NWD2: variants seen among roughly 807,000 people sequenced by gnomAD.
The protein encoded by NWD2 is NACHT and WD repeat domain containing 2.
Under a neutral mutation model 132.7 loss-of-function variants are expected in NWD2, and 37 were observed. That is an observed-to-expected ratio of 0.28 (90% CI 0.21 to 0.37). The LOEUF (loss-of-function observed/expected upper bound fraction) is 0.37. Among genes scored for constraint, NWD2 ranks in the 10% least tolerant of loss-of-function variants. NWD2 has a pLI of 1.00. For missense variants in NWD2, 1,592 were observed against 2,122.4 expected (o/e 0.75, Z 4.91); for synonymous variants, 705 against 803.0 (o/e 0.88, Z 2.06).
intron 1 of NWD2, among the ~76,000 whole-genome samples, chr4:37,318,020 CT>C (rs71185128): frequency 0.21 from 23,614 of 112,516 alleles, 1,062 homozygotes; most frequent in Middle Eastern, 0.33. Flanking sequence ...TTTTTTCTTT[CT>C]TTTTTTTTTT....
intron 1 of NWD2, among the ~76,000 whole-genome samples, chr4:37,304,191 AAG>A (rs937098613): frequency 1.3e-5 from 2 of 152,186 alleles, no homozygotes; most frequent in South Asian, 4.1e-4. Context: ...GAAAAGGAAG[AAG>A]AGAGAGAGAA....
intron 3 of NWD2, among the ~76,000 whole-genome samples, chr4:37,387,015 T>C (rs2376777): frequency 0.15 from 23,318 of 152,228 alleles, 2,261 homozygotes; most frequent in Non-Finnish European, 0.2. Context: ...CTTTATAAAT[T>C]ACTCAGCTTC....
intron 1 of NWD2, among the ~76,000 whole-genome samples, chr4:37,245,671 G>A (rs1306627255): frequency 3.9e-5 from 6 of 152,110 alleles, no homozygotes; most frequent in Non-Finnish European, 7.4e-5. Flanking sequence ...TCCAGCTGAG[G>A]CGAGGTGAGT....
Position 37,438,657 on chromosome 4 carries a change from A to C in NWD2, c.707-144A>C. ...CTGATTAGGAAAAGACAAATAGGAA[A>C]TCAAGAAATTATTCTAAAGATTACT... On this transcript the variant is annotated intron_variant, in intron 5 of 6. Coordinates refer to ENST00000309447, the MANE Select transcript of NWD2 (RefSeq NM_001144990.2). The C allele has an allele frequency of 6.9e-6, 4 of 582,998 alleles. 1 individual carries two copies. In the South Asian group the frequency reaches 1.4e-4, roughly 20 times the overall value. 36.1% of individuals were successfully genotyped at this position (582,998 alleles called of 1,614,324 possible). A position where few individuals can be genotyped will look rare whatever the true frequency, so the allele number is the denominator to read the frequency against.
intron 1 of NWD2, among the ~76,000 whole-genome samples, chr4:37,277,496 G>T (rs1005537140): frequency 6.6e-6 from 1 of 151,344 alleles, no homozygotes; most frequent in South Asian, 2.1e-4. Flanking sequence ...TAATTTCACT[G>T]ATTATTTTTA....
intron 1 of NWD2, among the ~76,000 whole-genome samples, chr4:37,301,852 C>T (rs1300307495): frequency 3.3e-5 from 5 of 151,734 alleles, no homozygotes; most frequent in South Asian, 2.1e-4. Context: ...TATGTGTGTG[C>T]GTATAGTTTA....
chr4:37,252,770 A>G (rs1042639285), intron 1 of NWD2, among the ~76,000 whole-genome samples: 1 of 152,182 alleles, frequency 6.6e-6, no homozygotes, highest in African/African-American at 2.4e-5. Flanking sequence ...AAGATTCCTT[A>G]TAGGGGATTG....
At chr4:37,425,878 G>A (rs188778774) in intron 3 of NWD2, among the ~76,000 whole-genome samples, 3 of 152,274 alleles carry the variant, frequency 2.0e-5, no homozygotes, top group East Asian at 3.9e-4. Context: ...GTCATTCATG[G>A]ATACTCCCCA....
intron 3 of NWD2, among the ~76,000 whole-genome samples, chr4:37,392,127 G>A (rs1483913877): frequency 6.6e-6 from 1 of 152,074 alleles, no homozygotes; most frequent in Admixed American, 6.6e-5. Context: ...CTGGAACCTG[G>A]GAGGCAGAGG....
At chr4:37,400,270 C>G (rs1394896001) in intron 3 of NWD2, among the ~76,000 whole-genome samples, 1 of 152,190 alleles carries the variant, frequency 6.6e-6, no homozygotes, top group African/African-American at 2.4e-5. Flanking sequence ...TCAATTTCCC[C>G]AGCAATCCTT....
intron 3 of NWD2, among the ~76,000 whole-genome samples, chr4:37,417,007 G>A (rs1711634494): frequency 6.6e-6 from 1 of 152,102 alleles, no homozygotes; most frequent in Admixed American, 6.6e-5. Context: ...ATACTGCTCA[G>A]GTGATGAGTT....
intron 2 of NWD2, among the ~76,000 whole-genome samples, chr4:37,344,637 G>T (rs977679337): frequency 2.0e-5 from 3 of 152,140 alleles, no homozygotes; most frequent in East Asian, 1.9e-4. Context: ...CTGATCATTT[G>T]GTTCACATGT....
In NWD2 at chr4:37,444,534, A is replaced by G. The variant is rs1188403464; in HGVS notation, c.2546A>G (p.Asp849Gly). 4.5e-6 allele frequency: 7 copies of G among 1,551,782 alleles called. No homozygotes were observed. The highest frequency in any genetic ancestry group is 6.1e-6 in the Non-Finnish European group (7 of 1,147,024). ...YHLTRCGKTD[D>G]LLYGIIMNFS... ...TTGACGAGGTGTGGAAAAACCGATGACCTGCTTTACGGCATCATCATGAAC... is the reference window on the plus strand; with the variant it reads ...TTGACGAGGTGTGGAAAAACCGATGGCCTGCTTTACGGCATCATCATGAAC... Residue 849 changes from aspartate (D) to glycine (G), a missense_variant, in exon 7 of 7, where the codon GAC becomes GGC. By Grantham distance (94) the Asp-to-Gly change is moderately conservative (BLOSUM62 -1). Around this residue, in one of 7 missense-constraint regions of NWD2, gnomAD observed 1,071 missense variants for 1,398.0 expected, o/e 0.77. Coordinates refer to ENST00000309447, the MANE Select transcript of NWD2 (RefSeq NM_001144990.2). This position sits in a 1 kb window ranked among gnomAD's most constrained non-coding sequence, Gnocchi z 4.8.
chr4:37,256,671 A>G (rs374129960), intron 1 of NWD2, among the ~76,000 whole-genome samples: 1 of 152,212 alleles, frequency 6.6e-6, no homozygotes, highest in Admixed American at 6.5e-5. Context: ...TTCCTTTACG[A>G]GCCCATTTGT....
At chr4:37,285,851 C>T (rs1415936611) in intron 1 of NWD2, among the ~76,000 whole-genome samples, 2 of 152,076 alleles carry the variant, frequency 1.3e-5, no homozygotes, top group African/African-American at 4.8e-5. Flanking sequence ...TATCACTATT[C>T]CATTCAGATG....
intron 1 of NWD2, among the ~76,000 whole-genome samples, chr4:37,317,294 T>G (rs971829103): frequency 2.0e-5 from 3 of 152,226 alleles, no homozygotes; most frequent in Non-Finnish European, 1.5e-5. Flanking sequence ...AGTTTGTGTG[T>G]AGCCTTCCCA....
At chr4:37,426,271 A>T (rs1257107145) in intron 3 of NWD2, among the ~76,000 whole-genome samples, 5 of 152,218 alleles carry the variant, frequency 3.3e-5, no homozygotes, top group Non-Finnish European at 7.3e-5. Context: ...TAACTGATTC[A>T]TGATTTATGA....
At chr4:37,245,915 A>G (rs77496303) in intron 1 of NWD2, among the ~76,000 whole-genome samples, 6,599 of 151,870 alleles carry the variant, frequency 0.043, 204 homozygotes, top group Middle Eastern at 0.088. Flanking sequence ...CTCCATGAAA[A>G]CTTGTTGATT....
chr4:37,269,044 A>C (rs1289949532), intron 1 of NWD2, among the ~76,000 whole-genome samples: 1 of 151,910 alleles, frequency 6.6e-6, no homozygotes, highest in Non-Finnish European at 1.5e-5. Flanking sequence ...AGTGATTTTT[A>C]AGCCTAGTTC....
Sources: gnomAD v4.1 joint callset for allele counts (sites outside exome capture counted in the v4.1 genomes callset) on GRCh38, gnomAD v4.1.1 for gene constraint, gnomAD v4.1.1 regional missense constraint, Gnocchi (gnomAD v3.1) non-coding constraint, MANE v1.5 for transcripts, NCBI Gene and HGNC (gene_info 2026-07-23, HGNC 2026-07-21) for gene names.